RBMS3: variants seen among roughly 807,000 people sequenced by gnomAD.
The protein encoded by RBMS3 is RNA-binding motif, single-stranded-interacting protein 3.
RBMS3 carries 27 observed loss-of-function variants against 66.8 expected under a neutral mutation model. The ratio of observed to expected loss-of-function variants is 0.40; its 90% CI spans 0.30 to 0.56. The LOEUF (loss-of-function observed/expected upper bound fraction) is 0.56, where lower values mean the gene tolerates loss of function less well. Ranked by LOEUF, RBMS3 falls within the 20% of genes least tolerant of loss-of-function variation. The pLI is 0.40. For missense variants in RBMS3, 513 were observed against 549.5 expected (o/e 0.93, Z 0.66); for synonymous variants, 188 against 183.0 (o/e 1.03, Z -0.22).
intron 4 of RBMS3, among the ~76,000 whole-genome samples, chr3:29,707,588 G>T (rs2052962938): frequency 6.6e-6 from 1 of 152,176 alleles, no homozygotes. Flanking sequence ...CAAAAAAGCT[G>T]ACAGTTTTTC....
chr3:29,764,921 A>G (rs1157569797), intron 6 of RBMS3, among the ~76,000 whole-genome samples: 1 of 152,018 alleles, frequency 6.6e-6, no homozygotes, highest in Admixed American at 6.6e-5. Flanking sequence ...CAAGAAAGAC[A>G]AAATAATTAT....
intron 6 of RBMS3, among the ~76,000 whole-genome samples, chr3:29,800,496 C>T (rs904318364): frequency 6.6e-6 from 1 of 152,102 alleles, no homozygotes; most frequent in Non-Finnish European, 1.5e-5. Context: ...CTACGTAATA[C>T]TTTATCAAAA....
chr3:29,887,887 A>G (rs1338839841), intron 8 of RBMS3, among the ~76,000 whole-genome samples: 1 of 151,828 alleles, frequency 6.6e-6, no homozygotes, highest in African/African-American at 2.4e-5. Flanking sequence ...CTTAATTGTT[A>G]CAAATCGACA....
intron 10 of RBMS3, among the ~76,000 whole-genome samples, chr3:29,922,199 T>C (rs1183366751): frequency 6.6e-6 from 1 of 152,198 alleles, no homozygotes; most frequent in Non-Finnish European, 1.5e-5. Flanking sequence ...CAGCAAGATA[T>C]AACAGAGGCC....
At chr3:29,433,312 T>G (rs954729547) in intron 1 of RBMS3, among the ~76,000 whole-genome samples, 5 of 152,172 alleles carry the variant, frequency 3.3e-5, no homozygotes, top group Admixed American at 6.5e-5. Context: ...TAAAGACTCT[T>G]CATCTTCAGA....
intron 10 of RBMS3, among the ~76,000 whole-genome samples, chr3:29,916,783 A>G (rs1392168457): frequency 6.6e-6 from 1 of 152,074 alleles, no homozygotes; most frequent in Non-Finnish European, 1.5e-5. Flanking sequence ...TCCTTAGGGG[A>G]AGAAAAACTT....
chr3:29,718,700 A>C (rs886403384), intron 4 of RBMS3, among the ~76,000 whole-genome samples: 1 of 152,132 alleles, frequency 6.6e-6, no homozygotes, highest in Admixed American at 6.6e-5. Flanking sequence ...GATCCAGCAC[A>C]TGCTTGGTAT....
chr3:29,411,348 A>T (rs896826867), intron 1 of RBMS3, among the ~76,000 whole-genome samples: 1 of 152,212 alleles, frequency 6.6e-6, no homozygotes. Flanking sequence ...AGAAAGATAG[A>T]TATTTCCTCT....
chr3:29,756,278 T>G (rs1193250248), intron 5 of RBMS3, among the ~76,000 whole-genome samples: 1 of 152,164 alleles, frequency 6.6e-6, no homozygotes. Flanking sequence ...TTCACAGGTG[T>G]AAGGGCTCAG....
intron 6 of RBMS3, among the ~76,000 whole-genome samples, chr3:29,818,394 T>G (rs2057979061): frequency 6.6e-6 from 1 of 152,050 alleles, no homozygotes; most frequent in Admixed American, 6.6e-5. Flanking sequence ...ATGTGTGTAT[T>G]TTTTCTATTA....
intron 3 of RBMS3, among the ~76,000 whole-genome samples, chr3:29,552,909 C>A (rs1355269088): frequency 6.6e-6 from 1 of 152,110 alleles, no homozygotes; most frequent in Non-Finnish European, 1.5e-5. Flanking sequence ...GGTAGAAGTT[C>A]AATGAAGCTA....
At chr3:29,885,153 T>C (rs1229509877) in intron 8 of RBMS3, among the ~76,000 whole-genome samples, 1 of 151,870 alleles carries the variant, frequency 6.6e-6, no homozygotes, top group Non-Finnish European at 1.5e-5. Flanking sequence ...GGCACAATGC[T>C]ATGTTCTATA....
intron 12 of RBMS3, among the ~76,000 whole-genome samples, chr3:29,957,831 AC>A (rs1696144919): frequency 6.6e-6 from 1 of 152,136 alleles, no homozygotes; most frequent in South Asian, 2.1e-4. Flanking sequence ...GCAAACATAC[AC>A]TGGTCCCAAT....
In RBMS3 at chr3:29,382,208, TGTCTTA is replaced by T. The variant is rs534648163; in HGVS notation, c.76-52531_76-52526del. On this transcript the variant is annotated intron_variant, in intron 1 of 14. Transcript: ENST00000383767. The stretch of plus-strand genomic sequence containing the variant: ...TTTGAAAGACGTTTAGTTCCCATGT[TGTCTTA>T]GTCAAAAACAATGAAAATTTCATTT... 1.1e-3 allele frequency among the ~76,000 whole-genome samples: 172 copies of T among 152,234 alleles called. 1 individual carries two copies. Among genetic ancestry groups the T allele is most frequent in the African/African-American group, 3.9e-3 (163 of 41,504 alleles).
intron 6 of RBMS3, among the ~76,000 whole-genome samples, chr3:29,844,157 C>A (rs2058725582): frequency 6.6e-6 from 1 of 152,112 alleles, no homozygotes; most frequent in Non-Finnish European, 1.5e-5. Flanking sequence ...TGTACAAATT[C>A]CTTGGTTATA....
chr3:29,685,801 C>A (rs2051706204), intron 4 of RBMS3, among the ~76,000 whole-genome samples: 1 of 152,166 alleles, frequency 6.6e-6, no homozygotes, highest in African/African-American at 2.4e-5. Flanking sequence ...ACTTCAGTAC[C>A]TTGCCTGCCA....
chr3:29,981,265 T>C (rs943272393), intron 12 of RBMS3, among the ~76,000 whole-genome samples: 17 of 152,222 alleles, frequency 1.1e-4, no homozygotes, highest in African/African-American at 4.1e-4. Context: ...CTTGTGATTT[T>C]TTCACATTGA....
intron 4 of RBMS3, among the ~76,000 whole-genome samples, chr3:29,602,010 T>C (rs1559501656): frequency 6.6e-6 from 1 of 152,042 alleles, no homozygotes; most frequent in Non-Finnish European, 1.5e-5. Flanking sequence ...ACAATTGTCA[T>C]TCATTTGGAC....
intron 1 of RBMS3, among the ~76,000 whole-genome samples, chr3:29,284,551 G>A (rs1173975722): frequency 6.6e-6 from 1 of 151,982 alleles, no homozygotes; most frequent in Admixed American, 6.6e-5. Flanking sequence ...TCCATTCCCT[G>A]GAATACATAG....
Sources: gnomAD v4.1 joint callset for allele counts (sites outside exome capture counted in the v4.1 genomes callset) on GRCh38, gnomAD v4.1.1 for gene constraint, MANE v1.5 for transcripts, NCBI Gene and HGNC (gene_info 2026-07-23, HGNC 2026-07-21) for gene names.